The following EEFSEC variants were observed in gnomAD, a reference collection of about 807,000 sequenced individuals.
EEFSEC encodes selenocysteine-specific elongation factor.
A neutral mutation model predicts 42.1 loss-of-function variants in EEFSEC; 43 were observed. That is an observed-to-expected ratio of 1.02 (90% CI 0.80 to 1.32). The LOEUF (loss-of-function observed/expected upper bound fraction) is 1.32. EEFSEC is among the 40% of genes most tolerant of loss of function. The pLI is 0.00. For synonymous variants in EEFSEC, 354 were observed against 339.1 expected (o/e 1.04, Z -0.48); for missense variants, 745 against 803.6 (o/e 0.93, Z 0.88).
At chr3:128,209,110 T>C (rs951730009) in intron 1 of EEFSEC, among the ~76,000 whole-genome samples, 3 of 152,222 alleles carry the variant, frequency 2.0e-5, no homozygotes, top group African/African-American at 7.2e-5. Flanking sequence ...ATGTGTTCCA[T>C]GGCATGTTAA....
chr3:128,237,052 G>A (rs2066020139), intron 1 of EEFSEC, among the ~76,000 whole-genome samples: 1 of 152,196 alleles, frequency 6.6e-6, no homozygotes, highest in African/African-American at 2.4e-5. Context: ...TAAACGTGCT[G>A]CGTGTGAACT....
At chr3:128,197,994 C>T (rs1337330633) in intron 1 of EEFSEC, among the ~76,000 whole-genome samples, 1 of 152,180 alleles carries the variant, frequency 6.6e-6, no homozygotes, top group Non-Finnish European at 1.5e-5. Context: ...AGCCTTTATT[C>T]CCTTTACCCC....
chr3:128,318,507 C>T (rs2108032994), intron 4 of EEFSEC, among the ~76,000 whole-genome samples: 1 of 152,328 alleles, frequency 6.6e-6, no homozygotes, highest in South Asian at 2.1e-4. Flanking sequence ...TCACCCAGGA[C>T]AGCAGAAGGT....
At chr3:128,182,885 G>GGT (rs2065424965) in intron 1 of EEFSEC, among the ~76,000 whole-genome samples, 1 of 150,674 alleles carries the variant, frequency 6.6e-6, no homozygotes, top group African/African-American at 2.5e-5. Flanking sequence ...GATCGGGGCG[G>GGT]GGGGGTGGGG....
chr3:128,168,866 A>G (rs1253598914), intron 1 of EEFSEC, among the ~76,000 whole-genome samples: 1 of 152,196 alleles, frequency 6.6e-6, no homozygotes, highest in Non-Finnish European at 1.5e-5. Context: ...TTTTCCCAGG[A>G]TTCTTAGTGT....
intron 1 of EEFSEC, among the ~76,000 whole-genome samples, chr3:128,216,068 A>G (rs996300557): frequency 2.0e-5 from 3 of 152,148 alleles, no homozygotes; most frequent in Non-Finnish European, 4.4e-5. Context: ...TAGTTCTTGC[A>G]TGGGTTTCCA....
chr3:128,182,959 T>C (rs1306795313), intron 1 of EEFSEC, among the ~76,000 whole-genome samples: 1 of 152,104 alleles, frequency 6.6e-6, no homozygotes, highest in African/African-American at 2.4e-5. Flanking sequence ...AGGCCTTTCT[T>C]TTCAATTTAC....
intron 6 of EEFSEC, among the ~76,000 whole-genome samples, chr3:128,391,698 AT>A: frequency 6.6e-6 from 1 of 152,010 alleles, no homozygotes; most frequent in Non-Finnish European, 1.5e-5. Flanking sequence ...TCCTTTGCAC[AT>A]TTCTCTACAC....
At chr3:128,197,737 A>G (rs559810886) in intron 1 of EEFSEC, among the ~76,000 whole-genome samples, 5 of 152,248 alleles carry the variant, frequency 3.3e-5, no homozygotes, top group Admixed American at 2.6e-4. Flanking sequence ...GGTAGCAACA[A>G]TCTGATTCTC....
chr3:128,424,197 C>T, the EEFSEC span, among the ~76,000 whole-genome samples: 1 of 152,204 alleles, frequency 6.6e-6, no homozygotes, highest in Non-Finnish European at 1.5e-5. Context: ...GCTGGCTGCT[C>T]CCTACACCAG....
At chr3:128,184,773 G>T (rs368828026) in intron 1 of EEFSEC, among the ~76,000 whole-genome samples, 25 of 152,146 alleles carry the variant, frequency 1.6e-4, no homozygotes, top group South Asian at 1.0e-3. Context: ...TACACTGTTT[G>T]CATATTTCTA....
intron 6 of EEFSEC, among the ~76,000 whole-genome samples, chr3:128,363,440 G>A (rs1253911357): frequency 6.6e-6 from 1 of 152,214 alleles, no homozygotes; most frequent in Non-Finnish European, 1.5e-5. Context: ...AGGGCTGGGG[G>A]TGAGGCACTG....
intron 1 of EEFSEC, among the ~76,000 whole-genome samples, chr3:128,207,580 C>CAT (rs769325698): frequency 6.0e-5 from 9 of 151,098 alleles, no homozygotes; most frequent in Non-Finnish European, 8.8e-5. Context: ...CACACACACA[C>CAT]ACACACACAC....
At chr3:128,302,479 A>T (rs1033933116) in intron 4 of EEFSEC, among the ~76,000 whole-genome samples, 9 of 152,230 alleles carry the variant, frequency 5.9e-5, no homozygotes, top group Non-Finnish European at 1.3e-4. Context: ...TGCCAGTCAT[A>T]AAGTGTAAGA....
intron 4 of EEFSEC, among the ~76,000 whole-genome samples, chr3:128,285,354 G>C (rs1197100403): frequency 6.6e-6 from 1 of 152,174 alleles, no homozygotes; most frequent in Non-Finnish European, 1.5e-5. Flanking sequence ...CCAGAGTCGA[G>C]AGTGTCCCCC....
intron 6 of EEFSEC, among the ~76,000 whole-genome samples, chr3:128,381,770 G>A (rs1482017224): frequency 6.6e-6 from 1 of 152,142 alleles, no homozygotes; most frequent in African/African-American, 2.4e-5. Context: ...GGAAATGCAG[G>A]GCACTTCTAA....
intron 6 of EEFSEC, among the ~76,000 whole-genome samples, chr3:128,393,202 A>G (rs1030342110): frequency 1.3e-5 from 2 of 152,148 alleles, no homozygotes; most frequent in Admixed American, 1.3e-4. Flanking sequence ...CCCCATCATA[A>G]CAGCAGGACC....
At position 128,367,171 on chromosome 3, in the gene EEFSEC, G is replaced by A. The variant is rs781673034; in HGVS notation, c.1600+8798G>A. Among the ~76,000 whole-genome samples, 7 of 152,198 alleles carry A rather than the reference G, an allele frequency of 4.6e-5. No homozygotes were observed. The East Asian group carries it at 1.3e-3, about 29-fold the overall frequency. The stretch of plus-strand genomic sequence containing the variant: ...TTTCATCTTAATTACACCTTTAAAG[G>A]CCCTGCCTCCAAATACAGTCCCATT... On this transcript the variant is annotated intron_variant, in intron 6 of 6. Coordinates refer to ENST00000254730, the MANE Select transcript of EEFSEC (RefSeq NM_021937.5).
At chr3:128,392,463 G>A (rs1051167712) in intron 6 of EEFSEC, among the ~76,000 whole-genome samples, 2 of 152,204 alleles carry the variant, frequency 1.3e-5, no homozygotes, top group African/African-American at 2.4e-5. Flanking sequence ...AATAGGCGAG[G>A]GGACCCAGGG....
Sources: allele counts gnomAD v4.1 joint callset (sites outside exome capture counted in the v4.1 genomes callset), GRCh38; gene constraint gnomAD v4.1.1; transcripts MANE v1.5; gene names NCBI Gene and HGNC (gene_info 2026-07-23, HGNC 2026-07-21).